The following GPR158 variants were observed in gnomAD, a reference collection of about 807,000 sequenced individuals.
GPR158 encodes the protein G protein-coupled receptor 158.
Under a neutral mutation model 78.2 loss-of-function variants are expected in GPR158, and 30 were observed. That is an observed-to-expected ratio of 0.38 (90% CI 0.29 to 0.52). The LOEUF is 0.52. GPR158 is among the 20% of genes least tolerant of loss of function. The probability of loss-of-function intolerance (pLI) is 0.83; values close to 1 mark genes in which losing one functional copy is unlikely to be tolerated. For synonymous variants in GPR158, 581 were observed against 591.1 expected, an observed-to-expected ratio of 0.98 and a Z score of 0.25; for missense variants, 1,463 against 1,523.5, an observed-to-expected ratio of 0.96 and a Z score of 0.66.
intron 2 of GPR158, among the ~76,000 whole-genome samples, chr10:25,391,681 C>T (rs948856484): frequency 6.6e-6 from 1 of 152,106 alleles, no homozygotes; most frequent in African/African-American, 2.4e-5. Context: ...GGGGGCTTAC[C>T]TTGTCCCAGA....
chr10:25,347,349 G>T (rs1183874584), intron 2 of GPR158, among the ~76,000 whole-genome samples: 8 of 151,912 alleles, frequency 5.3e-5, no homozygotes, highest in Admixed American at 5.3e-4. Flanking sequence ...CTACTTCTAA[G>T]GACACATGTG....
intron 2 of GPR158, among the ~76,000 whole-genome samples, chr10:25,300,127 A>G (rs985442762): frequency 1.3e-5 from 2 of 152,246 alleles, no homozygotes; most frequent in Admixed American, 6.5e-5. Context: ...ATGCAAATGT[A>G]TATCTTACAC....
At chr10:25,562,713 G>A (rs979356191) in intron 6 of GPR158, among the ~76,000 whole-genome samples, 1 of 152,180 alleles carries the variant, frequency 6.6e-6, no homozygotes, top group Non-Finnish European at 1.5e-5. Context: ...CCTGGGGAAT[G>A]TTCCACGTGC....
chr10:25,443,957 C>T (rs1408157436), intron 4 of GPR158, among the ~76,000 whole-genome samples: 3 of 152,024 alleles, frequency 2.0e-5, no homozygotes, highest in African/African-American at 4.8e-5. Flanking sequence ...TTCCCTGTAG[C>T]GTGGGGCTTC....
intron 4 of GPR158, among the ~76,000 whole-genome samples, chr10:25,453,354 G>T (rs1213306835): frequency 6.6e-6 from 1 of 152,046 alleles, no homozygotes; most frequent in Non-Finnish European, 1.5e-5. Flanking sequence ...AGTATGCAGG[G>T]ATTCCCCTTC....
intron 4 of GPR158, among the ~76,000 whole-genome samples, chr10:25,454,532 G>A (rs957469588): frequency 1.3e-5 from 2 of 152,108 alleles, no homozygotes; most frequent in African/African-American, 4.8e-5. Context: ...AAGGTGACAC[G>A]AAGCTATTAG....
rs1175860940 is a variant in GPR158, at chr10:25,175,441, C to G, written c.21C>G (p.Pro7=). 1.3e-6 allele frequency: 2 copies of G among 1,585,384 alleles called. No homozygotes were observed. Among genetic ancestry groups the G allele is most frequent in the African/African-American group, 2.7e-5 (2 of 74,306 alleles). Reference sequence around the variant, plus strand: ...GGCAGATGGGAGCCATGGCTTACCCCTTACTCCTCTGCCTCCTGCTTGCTC... The same window carrying G: ...GGCAGATGGGAGCCATGGCTTACCCGTTACTCCTCTGCCTCCTGCTTGCTC... MGAMAY[P]LLLCLLLAQL... Residue 7 remains proline, a synonymous_variant, in exon 1 of 11, where the codon CCC becomes CCG. Transcript: ENST00000376351. The surrounding 1 kb of genome is among the most constrained non-coding windows in gnomAD (Gnocchi z 6.4).
In GPR158 at chr10:25,428,470, G is replaced by A. The variant is rs369040377; in HGVS notation, c.1335+15997G>A. On this transcript the variant is annotated intron_variant, in intron 4 of 10. Coordinates refer to ENST00000376351, the MANE Select transcript of GPR158 (RefSeq NM_020752.3). ...ACATATTTTGGACATAAGTGTAATCGGATCCAGAGAACTCTTCTAAGGGGT... is the reference window on the plus strand; with the variant it reads ...ACATATTTTGGACATAAGTGTAATCAGATCCAGAGAACTCTTCTAAGGGGT... 1.9e-4 allele frequency among the ~76,000 whole-genome samples: 29 copies of A among 151,996 alleles called. No individual in the cohort carries two copies. In the East Asian group the frequency reaches 2.1e-3, roughly 11 times the overall value.
chr10:25,327,875 T>G lies in GPR158; in HGVS notation c.1009-68036T>G, dbSNP rs11014503. On this transcript the variant is annotated intron_variant, in intron 2 of 10. Coordinates refer to ENST00000376351, the MANE Select transcript of GPR158 (RefSeq NM_020752.3). ...AAAATGATTGGAATATTTTTAAAAT[T>G]TATATTTTTTGAAAGTTTGTATACA... Among the ~76,000 whole-genome samples the G allele has an allele frequency of 1.2e-3, 184 of 152,332 alleles. 1 individual carries two copies. The East Asian group carries it at 0.03, about 24-fold the overall frequency.
chr10:25,541,114 C>T (rs1836576957), intron 5 of GPR158, among the ~76,000 whole-genome samples: 2 of 151,706 alleles, frequency 1.3e-5, no homozygotes, highest in Non-Finnish European at 2.9e-5. Flanking sequence ...TCCTGTTCCT[C>T]CATATACATA....
At chr10:25,302,954 C>A (rs1313972858) in intron 2 of GPR158, among the ~76,000 whole-genome samples, 2 of 152,188 alleles carry the variant, frequency 1.3e-5, no homozygotes, top group African/African-American at 4.8e-5. Flanking sequence ...TGATTTATTT[C>A]TTTGACTCAA....
intron 2 of GPR158, among the ~76,000 whole-genome samples, chr10:25,278,216 TG>T: frequency 6.6e-6 from 1 of 151,858 alleles, no homozygotes; most frequent in African/African-American, 2.4e-5. Context: ...AAGAAAAAAA[TG>T]AGCAGTAAGT....
chr10:25,248,269 C>T (rs1853731460), intron 2 of GPR158, among the ~76,000 whole-genome samples: 1 of 152,008 alleles, frequency 6.6e-6, no homozygotes, highest in South Asian at 2.1e-4. Flanking sequence ...TGTAGGTTGC[C>T]TATTCACTCT....
chr10:25,380,402 T>A (rs2130564133), intron 2 of GPR158, among the ~76,000 whole-genome samples: 1 of 152,358 alleles, frequency 6.6e-6, no homozygotes, highest in Non-Finnish European at 1.5e-5. Flanking sequence ...ATATGTACTC[T>A]CACACAATTT....
At chr10:25,252,069 T>A (rs896003393) in intron 2 of GPR158, among the ~76,000 whole-genome samples, 2 of 152,138 alleles carry the variant, frequency 1.3e-5, no homozygotes, top group Non-Finnish European at 1.5e-5. Flanking sequence ...TCATTTCATC[T>A]TCCATTGCTG....
chr10:25,266,713 C>T (rs1463109734), intron 2 of GPR158, among the ~76,000 whole-genome samples: 6 of 151,906 alleles, frequency 3.9e-5, no homozygotes, highest in Non-Finnish European at 5.9e-5. Context: ...TAGCTGCTTC[C>T]AATAAATATA....
intron 1 of GPR158, among the ~76,000 whole-genome samples, chr10:25,203,680 A>G (rs1852968811): frequency 1.4e-5 from 2 of 145,348 alleles, no homozygotes; most frequent in South Asian, 4.6e-4. Context: ...GTTTGAAGTC[A>G]GGTAGTGTGA....
At chr10:25,328,183 G>T (rs1025872261) in intron 2 of GPR158, among the ~76,000 whole-genome samples, 3 of 151,818 alleles carry the variant, frequency 2.0e-5, no homozygotes, top group African/African-American at 7.3e-5. Flanking sequence ...GAAATACATA[G>T]ATATATATAG....
At chr10:25,322,302 A>C (rs944421407) in intron 2 of GPR158, among the ~76,000 whole-genome samples, 1 of 151,528 alleles carries the variant, frequency 6.6e-6, no homozygotes, top group African/African-American at 2.4e-5. Context: ...AATGGCGTGA[A>C]CCCGGGAGGC....
Sources: allele counts gnomAD v4.1 joint callset (sites outside exome capture counted in the v4.1 genomes callset), GRCh38; gene constraint gnomAD v4.1.1; non-coding constraint Gnocchi (gnomAD v3.1); transcripts MANE v1.5; gene names NCBI Gene and HGNC (gene_info 2026-07-23, HGNC 2026-07-21).